Variants in VSTM4 observed in about 807,000 individuals in gnomAD.
VSTM4 encodes the protein V-set and transmembrane domain-containing protein 4.
VSTM4 carries 20 observed loss-of-function variants against 36.4 expected under a neutral mutation model. The observed-to-expected ratio is 0.55, with a 90% CI of 0.39 to 0.80. The LOEUF (loss-of-function observed/expected upper bound fraction) is 0.80. Ranked by LOEUF, VSTM4 falls within the 30% of genes least tolerant of loss-of-function variation. The pLI is 0.00. For missense variants in VSTM4, 392 were observed against 404.5 expected, an observed-to-expected ratio of 0.97 and a Z score of 0.26; for synonymous variants, 182 against 173.9, an observed-to-expected ratio of 1.05 and a Z score of -0.37.
chr10:49,036,460 G>A (rs1388025234), intron 7 of VSTM4, among the ~76,000 whole-genome samples: 1 of 152,030 alleles, frequency 6.6e-6, no homozygotes, highest in Non-Finnish European at 1.5e-5. Context: ...TTTTATGCAG[G>A]TTAATATATC....
chr10:49,103,662 G>C, intron 2 of VSTM4: 3 of 1,569,616 alleles, frequency 1.9e-6, no homozygotes. Flanking sequence ...AGGTGTTCAT[G>C]ACAGGGAAAT....
intron 2 of VSTM4, among the ~76,000 whole-genome samples, chr10:49,088,639 A>G (rs1164290134): frequency 6.6e-6 from 1 of 152,240 alleles, no homozygotes; most frequent in Non-Finnish European, 1.5e-5. Flanking sequence ...CCAAAGCTTG[A>G]TGGCACTCTG....
chr10:49,105,229 G>GAC (rs1564597296), intron 2 of VSTM4, among the ~76,000 whole-genome samples: 3 of 148,742 alleles, frequency 2.0e-5, no homozygotes, highest in Non-Finnish European at 4.5e-5. Context: ...GAGAGAGAGA[G>GAC]AGAGAGACAG....
At chr10:49,070,896 G>A (rs1276970733) in intron 4 of VSTM4, among the ~76,000 whole-genome samples, 1 of 152,174 alleles carries the variant, frequency 6.6e-6, no homozygotes, top group African/African-American at 2.4e-5. Context: ...AAGGCCCCAG[G>A]CCATCCTCTG....
At chr10:49,052,043 G>A (rs150418727) in intron 5 of VSTM4, among the ~76,000 whole-genome samples, 1,934 of 152,164 alleles carry the variant, frequency 0.013, 15 homozygotes, top group Non-Finnish European at 0.02. Context: ...TTCTTTCTCA[G>A]TTTAATATAG....
intron 4 of VSTM4, among the ~76,000 whole-genome samples, chr10:49,070,252 CA>C (rs780515012): frequency 0.011 from 247 of 21,700 alleles, 4 homozygotes; most frequent in Middle Eastern, 0.033. Flanking sequence ...GACTCCGTCT[CA>C]AAAAAAAAAA....
In VSTM4 at chr10:49,107,794, T is replaced by C. The variant is rs1451877983; in HGVS notation, c.257A>G (p.Tyr86Cys). 1 of 1,614,162 alleles carries C rather than the reference T, an allele frequency of 6.2e-7. No individual in the cohort carries two copies. Among genetic ancestry groups the C allele is most frequent in the Non-Finnish European group, 8.5e-7 (1 of 1,180,060 alleles). ...VKMTKLRVVQYYGNFSRSAKR... is the reference protein window; with the variant it reads ...VKMTKLRVVQCYGNFSRSAKR... ...GGCGCTGCGGCTGAAATTCCCATAG[T>C]ACTGCACCACCCGGAGCTTGGTCAT... Residue 86 changes from tyrosine to cysteine, a missense_variant, in exon 2 of 8, where the codon TAC becomes TGC. Transcript: ENST00000332853.
At chr10:49,113,792 C>T (rs1464193609) in intron 1 of VSTM4, among the ~76,000 whole-genome samples, 2 of 152,084 alleles carry the variant, frequency 1.3e-5, no homozygotes, top group Admixed American at 1.3e-4. Flanking sequence ...CCAGCAGGAT[C>T]GTGGTGAGGA....
intron 5 of VSTM4, among the ~76,000 whole-genome samples, chr10:49,051,335 T>C (rs1484275298): frequency 6.6e-6 from 1 of 152,062 alleles, no homozygotes; most frequent in Non-Finnish European, 1.5e-5. Flanking sequence ...CTCTTTCACT[T>C]AGCAATATGC....
intron 2 of VSTM4, among the ~76,000 whole-genome samples, chr10:49,095,026 C>CTAG: frequency 1.3e-5 from 2 of 152,216 alleles, no homozygotes; most frequent in Admixed American, 1.3e-4. Context: ...CCTTTCCTAC[C>CTAG]GCATTCAGTC....
intron 1 of VSTM4, 75 bp from the exon 2 acceptor site, chr10:49,108,070 C>T: frequency 1.4e-6 from 2 of 1,462,168 alleles, no homozygotes; most frequent in South Asian, 1.4e-5. Flanking sequence ...AGTCGAGGAG[C>T]CAGGAAATGC....
intron 2 of VSTM4, among the ~76,000 whole-genome samples, chr10:49,098,546 A>T (rs182086628): frequency 3.3e-5 from 5 of 152,298 alleles, no homozygotes; most frequent in Admixed American, 3.3e-4. Context: ...TTCCCCCCAG[A>T]TCCATGCTCC....
intron 4 of VSTM4, among the ~76,000 whole-genome samples, chr10:49,075,201 C>T (rs918229283): frequency 3.3e-5 from 5 of 152,258 alleles, no homozygotes; most frequent in African/African-American, 1.2e-4. Flanking sequence ...CAGGTGCTTG[C>T]ACATGTCCCA....
intron 1 of VSTM4, among the ~76,000 whole-genome samples, chr10:49,109,893 G>T (rs1282321460): frequency 6.6e-6 from 1 of 152,240 alleles, no homozygotes; most frequent in African/African-American, 2.4e-5. Context: ...CACCTGGCAG[G>T]CACCTGGCCC....
chr10:49,054,181 C>A (rs1294149892), intron 5 of VSTM4, among the ~76,000 whole-genome samples: 1 of 152,090 alleles, frequency 6.6e-6, no homozygotes, highest in Non-Finnish European at 1.5e-5. Flanking sequence ...GAAGCAAGGA[C>A]CCAGGACCCA....
intron 3 of VSTM4, 55 bp from the exon 4 acceptor site, chr10:49,077,381 G>A: frequency 6.7e-7 from 1 of 1,496,834 alleles, no homozygotes; most frequent in African/African-American, 1.4e-5. Context: ...CAGCAGAAGT[G>A]CGCTGGCAAG....
intron 7 of VSTM4, among the ~76,000 whole-genome samples, chr10:49,041,622 C>G (rs556062717): frequency 6.6e-6 from 1 of 152,124 alleles, no homozygotes; most frequent in Non-Finnish European, 1.5e-5. Flanking sequence ...CTTAAGATAG[C>G]ATTTTGCACC....
chr10:49,024,661 C>G (rs988812099), intron 7 of VSTM4, among the ~76,000 whole-genome samples: 1 of 152,204 alleles, frequency 6.6e-6, no homozygotes, highest in Non-Finnish European at 1.5e-5. Context: ...GGCCCAGCAG[C>G]TGCCCCATAA....
intron 2 of VSTM4, among the ~76,000 whole-genome samples, chr10:49,104,214 G>T (rs999910925): frequency 6.6e-6 from 1 of 152,148 alleles, no homozygotes; most frequent in African/African-American, 2.4e-5. Flanking sequence ...CAGGAGAATT[G>T]CTTGAACCCA....
Sources: allele counts gnomAD v4.1 joint callset (sites outside exome capture counted in the v4.1 genomes callset), GRCh38; gene constraint gnomAD v4.1.1; transcripts MANE v1.5; gene names NCBI Gene and HGNC (gene_info 2026-07-23, HGNC 2026-07-21).